Variants in PPARGC1B observed in about 807,000 individuals in gnomAD.
The protein encoded by PPARGC1B is peroxisome proliferator-activated receptor gamma coactivator 1-beta.
A neutral mutation model predicts 101.6 loss-of-function variants in PPARGC1B; 34 were observed. That is an observed-to-expected ratio of 0.33 (90% confidence interval 0.25 to 0.45). PPARGC1B has a LOEUF of 0.45. PPARGC1B is among the 20% of genes least tolerant of loss of function. The probability of loss-of-function intolerance (pLI) is 1.00; values close to 1 mark genes in which losing one functional copy is unlikely to be tolerated. For missense variants in PPARGC1B, 1,234 were observed against 1,317.6 expected, an observed-to-expected ratio of 0.94 and a Z score of 0.98; for synonymous variants, 548 against 539.3, an observed-to-expected ratio of 1.02 and a Z score of -0.22.
intron 8 of PPARGC1B, among the ~76,000 whole-genome samples, chr5:149,839,202 C>T (rs1044287334): frequency 2.6e-5 from 4 of 152,180 alleles, no homozygotes; most frequent in Admixed American, 6.5e-5. Flanking sequence ...AAATTTAATC[C>T]TCACAAATGG....
rs111984674 is a variant in PPARGC1B, at chr5:149,781,129, C to T, written c.79-39304C>T. Reference sequence around the variant, plus strand: ...CTGAGGCAGAAGAATCACTTGAACCCGGGAGGTGGAGGTTGCAGTGAGCCG... The same window carrying T: ...CTGAGGCAGAAGAATCACTTGAACCTGGGAGGTGGAGGTTGCAGTGAGCCG... On this transcript the variant is annotated intron_variant, in intron 1 of 11. Transcript: ENST00000309241. Among the ~76,000 whole-genome samples the T allele has an allele frequency of 3.1e-4, 47 of 150,278 alleles. 1 individual carries two copies. The highest frequency in any genetic ancestry group is 9.6e-4 in the African/African-American group (39 of 40,776).
Position 149,780,033 on chromosome 5 carries a change from G to C in PPARGC1B, c.79-40400G>C, listed in dbSNP as rs553572256. 2.6e-5 allele frequency among the ~76,000 whole-genome samples: 4 copies of C among 152,360 alleles called. No homozygotes were observed. In the South Asian group the frequency reaches 8.3e-4, roughly 32 times the overall value. On this transcript the variant is annotated intron_variant, in intron 1 of 11. Transcript: ENST00000309241. ...CCTCAGCCCAAGATGCTGAAAGGAG[G>C]TCTGAGTGAAAGGGCTTTCCACCTA...
chr5:149,813,335 G>A (rs1386510455), intron 1 of PPARGC1B, among the ~76,000 whole-genome samples: 1 of 152,234 alleles, frequency 6.6e-6, no homozygotes, highest in Non-Finnish European at 1.5e-5. Context: ...GGATATCCAA[G>A]ATGGCAGTCA....
chr5:149,806,402 C>A (rs900081770), intron 1 of PPARGC1B, among the ~76,000 whole-genome samples: 18 of 152,298 alleles, frequency 1.2e-4, no homozygotes, highest in South Asian at 6.2e-4. Context: ...CCAGGACCCC[C>A]TTTCTACCTC....
In PPARGC1B at chr5:149,837,026, C is replaced by G. The variant is rs1450109738; in HGVS notation, c.2571C>G (p.Gly857=). ...QLCSRSRSSS[G]SSPCHSWSPA... is the part of the protein sequence containing the mutation. ...GTTCCCGCAGCCGCTCAAGCTCTGGCTCTTCACCCTGCCACTCCTGGTCAC... is the reference window on the plus strand; with the variant it reads ...GTTCCCGCAGCCGCTCAAGCTCTGGGTCTTCACCCTGCCACTCCTGGTCAC... Residue 857 remains glycine (G), a synonymous_variant, in exon 8 of 12, where the codon GGC becomes GGG. Coordinates refer to ENST00000309241, the MANE Select transcript of PPARGC1B (RefSeq NM_133263.4). This position sits in a 1 kb window ranked among gnomAD's most constrained non-coding sequence, Gnocchi z 4.2. 4 of 1,613,652 alleles carry G rather than the reference C, an allele frequency of 2.5e-6. No homozygotes were observed. In the Admixed American group the frequency reaches 5.0e-5, roughly 20 times the overall value.
At chr5:149,827,353 G>A (rs1561597909) in intron 3 of PPARGC1B, among the ~76,000 whole-genome samples, 1 of 152,202 alleles carries the variant, frequency 6.6e-6, no homozygotes, top group African/African-American at 2.4e-5. Context: ...TACTACAAAA[G>A]GGAGTCTACA....
chr5:149,762,057 T>C (rs574492526), intron 1 of PPARGC1B, among the ~76,000 whole-genome samples: 11 of 152,248 alleles, frequency 7.2e-5, no homozygotes, highest in African/African-American at 2.2e-4. Flanking sequence ...CTGGTTCTTC[T>C]TGGGTTCTCC....
rs1167433131 is a variant in PPARGC1B at position 149,836,641 on chromosome 5, G to C, written c.2186G>C (p.Trp729Ser). 6.2e-7 allele frequency: 1 copy of C among 1,613,764 alleles called. No homozygotes were observed. Among genetic ancestry groups the C allele is most frequent in the African/African-American group, 1.3e-5 (1 of 74,952 alleles). Residue 729 changes from tryptophan to serine, a missense_variant, in exon 8 of 12, where the codon TGG (tryptophan) becomes TCG (serine). By Grantham distance (177) the Trp-to-Ser change is radical. This residue lies in a region of PPARGC1B where 497 missense variants were observed against 529.5 expected (regional missense o/e 0.94). Transcript: ENST00000309241. ...LEDWPQQGAP[W>S]AEAQAPGREE... ...GACTGGCCCCAGCAGGGTGCCCCTT[G>C]GGCTGAGGCACAGGCCCCTGGCAGG...
In PPARGC1B at chr5:149,836,518, C is replaced by T. The variant is rs1489945696; in HGVS notation, c.2063C>T (p.Ser688Phe). The change falls in exon 8 of 12, where the codon TCC becomes TTC. Residue 688 changes from serine (S) to phenylalanine (F), a missense_variant. Around this residue, in one of 3 missense-constraint regions of PPARGC1B, gnomAD observed 497 missense variants for 529.5 expected, o/e 0.94. Transcript: ENST00000309241. Reference sequence around the variant, plus strand: ...GGCCAGAAGCGTCCCTTCTCCTGTTCCTTTGGAGACCATGACTACTGCCAG... The same window carrying T: ...GGCCAGAAGCGTCCCTTCTCCTGTTTCTTTGGAGACCATGACTACTGCCAG... Reference protein sequence around the residue: ...QAGQKRPFSCSFGDHDYCQVL... With the variant: ...QAGQKRPFSCFFGDHDYCQVL... 11 of 1,614,054 alleles carry T rather than the reference C, an allele frequency of 6.8e-6. No homozygotes were observed. Among genetic ancestry groups the T allele is most frequent in the Admixed American group, 6.7e-5 (4 of 60,032 alleles).
intron 1 of PPARGC1B, among the ~76,000 whole-genome samples, chr5:149,775,221 A>G (rs1201244628): frequency 6.6e-6 from 1 of 152,168 alleles, no homozygotes; most frequent in African/African-American, 2.4e-5. Flanking sequence ...GAGGCAGCTG[A>G]GAATGCACAT....
At chr5:149,810,737 C>T (rs749527994) in intron 1 of PPARGC1B, among the ~76,000 whole-genome samples, 3 of 152,076 alleles carry the variant, frequency 2.0e-5, no homozygotes, top group African/African-American at 7.2e-5. Flanking sequence ...ACAGGTCACA[C>T]GGGAGATCCC....
chr5:149,742,205 G>A (rs1360184470), intron 1 of PPARGC1B, among the ~76,000 whole-genome samples: 1 of 152,144 alleles, frequency 6.6e-6, no homozygotes, highest in East Asian at 1.9e-4. Flanking sequence ...AGTTTGTGGT[G>A]CTGGTGCTGT....
At chr5:149,770,080 G>T (rs559762544) in intron 1 of PPARGC1B, among the ~76,000 whole-genome samples, 2 of 152,302 alleles carry the variant, frequency 1.3e-5, no homozygotes, top group African/African-American at 4.8e-5. Flanking sequence ...CCTCACCTCT[G>T]CAGCAGCCAG....
chr5:149,809,219 GATCCATCTCTACC>G (rs563202626), intron 1 of PPARGC1B, among the ~76,000 whole-genome samples: 24 of 19,632 alleles, frequency 1.2e-3, no homozygotes, highest in East Asian at 2.0e-3. Flanking sequence ...TAGATAGATA[GATCCATCTCTACC>G]ATAGATAGAT....
chr5:149,760,465 T>C (rs1363693023), intron 1 of PPARGC1B, among the ~76,000 whole-genome samples: 1 of 152,186 alleles, frequency 6.6e-6, no homozygotes, highest in Non-Finnish European at 1.5e-5. Context: ...TTTTCCTTGT[T>C]TAAAGAGGAT....
chr5:149,736,602 T>G (rs1012614352), intron 1 of PPARGC1B, among the ~76,000 whole-genome samples: 1 of 152,216 alleles, frequency 6.6e-6, no homozygotes, highest in African/African-American at 2.4e-5. Flanking sequence ...TGTAACTAGA[T>G]TCCTGCAGTT....
At chr5:149,857,106 C>A (rs1476647865), downstream of PPARGC1B, among the ~76,000 whole-genome samples, 1 of 152,118 alleles carries the variant, frequency 6.6e-6, no homozygotes, top group Admixed American at 6.6e-5. Flanking sequence ...GGCTCTACCG[C>A]TTATCAGCTA....
At position 149,833,863 on chromosome 5, in the gene PPARGC1B, T is replaced by C; in HGVS notation, c.1705+85T>C. On this transcript the variant is annotated intron_variant, in intron 5 of 11. Transcript: ENST00000309241. The surrounding 1 kb of genome is among the most constrained non-coding windows in gnomAD (Gnocchi z 4.1). Reference sequence around the variant, plus strand: ...GCACTGGGAGCCAGGAGCCCTGTGTTCAAGTCCCCGTCCCCCAACAAAGTG... The same window carrying C: ...GCACTGGGAGCCAGGAGCCCTGTGTCCAAGTCCCCGTCCCCCAACAAAGTG... 2 of 1,418,834 alleles carry C rather than the reference T, an allele frequency of 1.4e-6. No individual in the cohort carries two copies. The highest frequency in any genetic ancestry group is 1.8e-6 in the Non-Finnish European group (2 of 1,091,382). 87.9% of individuals were successfully genotyped at this position (1,418,834 alleles called of 1,614,324 possible).
At position 149,730,387 on chromosome 5, in the gene PPARGC1B, C is replaced by T; in HGVS notation, c.45C>T (p.Ser15=). The T allele has an allele frequency of 3.2e-6, 5 of 1,574,076 alleles. No homozygotes were observed. Among genetic ancestry groups the T allele is most frequent in the Non-Finnish European group, 4.3e-6 (5 of 1,162,750 alleles). Residue 15 remains serine, a synonymous_variant, in exon 1 of 12, where the codon TCC becomes TCT. Coordinates refer to ENST00000309241, the MANE Select transcript of PPARGC1B (RefSeq NM_133263.4). This position sits in a 1 kb window ranked among gnomAD's most constrained non-coding sequence, Gnocchi z 4.0. ...GCGCGCTGCTGGACGAAGAGCTCTC[C>T]TCCTTCTTCCTCAACTATCTCGCTG... is the stretch of plus-strand genomic sequence containing the variant. The part of the protein sequence containing the change: ...DCGALLDEEL[S]SFFLNYLADT...
Sources: gnomAD v4.1 joint callset for allele counts (sites outside exome capture counted in the v4.1 genomes callset) on GRCh38, gnomAD v4.1.1 for gene constraint, gnomAD v4.1.1 regional missense constraint, Gnocchi (gnomAD v3.1) non-coding constraint, MANE v1.5 for transcripts, NCBI Gene and HGNC (gene_info 2026-07-23, HGNC 2026-07-21) for gene names.